The following CHM variants were observed in gnomAD, a reference collection of about 807,000 sequenced individuals.
CHM encodes CHM Rab escort protein, also known as rab proteins geranylgeranyltransferase component A 1.
Under a neutral mutation model 49.0 loss-of-function variants are expected in CHM, and 10 were observed. The observed-to-expected ratio is 0.20, with a 90% CI of 0.13 to 0.35. CHM has a LOEUF of 0.35. CHM is among the 10% of genes least tolerant of loss of function. The pLI is 1.00. For missense variants in CHM, 455 were observed against 478.4 expected (o/e 0.95, Z 0.46); for synonymous variants, 184 against 167.5 (o/e 1.10, Z -0.76).
Position 85,996,817 on chromosome X carries a change from G to T in CHM, c.117-15008C>A, listed in dbSNP as rs986223400. 6.0e-4 allele frequency among the ~76,000 whole-genome samples: 67 copies of T among 111,781 alleles called. 1 individual carries two copies. Among genetic ancestry groups the T allele is most frequent in the African/African-American group, 1.9e-3 (57 of 30,782 alleles). On this transcript the variant is annotated intron_variant, in intron 2 of 14. Coordinates refer to ENST00000357749, the MANE Select transcript of CHM (RefSeq NM_000390.4). ...TTATGTAAAAATGCAGATTCACTGA[G>T]CCAGATGAAGGTATGAGTGGCTATT...
At chrX:85,984,566 A>G (rs957500895) in intron 2 of CHM, among the ~76,000 whole-genome samples, 4 of 111,937 alleles carry the variant, frequency 3.6e-5, no homozygotes, top group Non-Finnish European at 5.6e-5. Flanking sequence ...AAATAAATAT[A>G]TACCCACCTT....
At chrX:85,880,523 T>G (rs1924699285) in intron 12 of CHM, among the ~76,000 whole-genome samples, 1 of 111,566 alleles carries the variant, frequency 9.0e-6, no homozygotes, top group African/African-American at 3.2e-5. Flanking sequence ...TGTTAATGTT[T>G]ATTTGGGAAA....
At chrX:85,890,013 C>CAGATGGG (rs1925341993) in intron 12 of CHM, among the ~76,000 whole-genome samples, 1 of 110,857 alleles carries the variant, frequency 9.0e-6, no homozygotes, top group Admixed American at 9.6e-5. Context: ...CAAGGAGATA[C>CAGATGGG]AGATGGGAAC....
Position 85,957,844 on chromosome X carries a change from G to GA in CHM, c.940+10dup, listed in dbSNP as rs1273727175. 3 of 1,197,867 alleles carry GA rather than the reference G, an allele frequency of 2.5e-6. No homozygotes were observed. The highest frequency in any genetic ancestry group is 2.3e-6 in the Non-Finnish European group (2 of 888,486). Reference sequence around the variant, plus strand: ...AAATAATTGGAGAGCACTACTTAATGAAAAAAATACCTTTATATTCATCAG... The same window carrying GA: ...AAATAATTGGAGAGCACTACTTAATGAAAAAAAATACCTTTATATTCATCAG... On this transcript the variant is annotated intron_variant, in intron 7 of 14. Transcript: ENST00000357749.
rs1261320444 is a variant in CHM at position 85,866,258 on chromosome X, T to C, written c.1771-1437A>G. Among the ~76,000 whole-genome samples, 4 of 112,343 alleles carry C rather than the reference T, an allele frequency of 3.6e-5. No individual in the cohort carries two copies. The East Asian group carries it at 8.4e-4, about 24-fold the overall frequency. On this transcript the variant is annotated intron_variant, in intron 14 of 14. Transcript: ENST00000357749. The stretch of plus-strand genomic sequence containing the variant: ...ATCCCAGCTGCTCCAGCTCCAGCCA[T>C]GGCTAAAAGGAATAAAGGTACAGCT...
At chrX:85,978,614 G>A (rs1261382030) in intron 4 of CHM, 153 bp downstream of exon 4, 1 of 454,979 alleles carries the variant, frequency 2.2e-6, no homozygotes, top group Admixed American at 3.5e-5. Context: ...CCTAAACAGA[G>A]ACAACTGAAA....
rs1928446719 is a variant in CHM, at chrX:85,931,682, A to AG, written c.1167-20345dup. Among the ~76,000 whole-genome samples, 3 of 111,284 alleles carry AG rather than the reference A, an allele frequency of 2.7e-5. No homozygotes were observed. The Admixed American group carries it at 2.9e-4, about 11-fold the overall frequency. ...CAGTATTGTACCCCAATCCCATAGG[A>AG]GAAAAAAATGGTGTCACAGTGGGAC... On this transcript the variant is annotated intron_variant, in intron 8 of 14. Transcript: ENST00000357749.
At chrX:86,031,559 C>G (rs975033277) in intron 1 of CHM, among the ~76,000 whole-genome samples, 88 of 112,127 alleles carry the variant, frequency 7.8e-4, no homozygotes, top group African/African-American at 2.7e-3. Flanking sequence ...AATTATTTAG[C>G]GCTGGGCACG....
intron 2 of CHM, among the ~76,000 whole-genome samples, chrX:86,015,702 A>G (rs1032295496): frequency 8.0e-5 from 9 of 112,544 alleles, no homozygotes; most frequent in Non-Finnish European, 1.7e-4. Flanking sequence ...AACTGGAACA[A>G]AAGTGACTCT....
At chrX:85,926,374 A>T (rs769621579) in intron 8 of CHM, among the ~76,000 whole-genome samples, 1 of 111,465 alleles carries the variant, frequency 9.0e-6, no homozygotes, top group African/African-American at 3.3e-5. Flanking sequence ...CCCCTTGTTC[A>T]TACCTTATTT....
At chrX:85,989,462 C>T (rs55769549) in intron 2 of CHM, among the ~76,000 whole-genome samples, 19,088 of 111,246 alleles carry the variant, frequency 0.17, 1,559 homozygotes, top group Non-Finnish European at 0.25. Flanking sequence ...AACAAAGATA[C>T]CAAAAGCAAT....
chrX:85,954,340 T>G (rs1431314212), intron 8 of CHM, among the ~76,000 whole-genome samples: 1 of 111,906 alleles, frequency 8.9e-6, no homozygotes, highest in Non-Finnish European at 1.9e-5. Context: ...TGTTAATTAG[T>G]ACAACCACTG....
intron 9 of CHM, among the ~76,000 whole-genome samples, chrX:85,904,958 T>C (rs1315693532): frequency 8.9e-6 from 1 of 112,219 alleles, no homozygotes; most frequent in African/African-American, 3.2e-5. Flanking sequence ...AATGACTTGA[T>C]ATACACTGTG....
chrX:85,963,753 T>G lies in CHM; in HGVS notation c.614A>C (p.Asp205Ala), dbSNP rs768528761. 8.3e-7 allele frequency: 1 copy of G among 1,210,697 alleles called. No individual in the cohort carries two copies. Among genetic ancestry groups the G allele is most frequent in the East Asian group, 3.0e-5 (1 of 33,856 alleles). The stretch of plus-strand genomic sequence containing the variant: ...GTTTTTCTTTGGTTGCTCTGTGGTA[T>G]CTTCTGCTATAGGCACATTTTCACT... ...DMSENVPIAE[D>A]TTEQPKKNRI... Residue 205 changes from aspartate (D) to alanine (A), a missense_variant, in exon 5 of 15, where the codon GAT (aspartate) becomes GCT (alanine). Physicochemically the swap from Asp to Ala is moderately radical, Grantham distance 126. Coordinates refer to ENST00000357749, the MANE Select transcript of CHM (RefSeq NM_000390.4).
At chrX:85,895,079 G>A (rs28694681) in intron 11 of CHM, among the ~76,000 whole-genome samples, 3,262 of 108,577 alleles carry the variant, frequency 0.03, 117 homozygotes, top group African/African-American at 0.1. Flanking sequence ...TTAATGATAC[G>A]CTAGATGGCT....
intron 12 of CHM, among the ~76,000 whole-genome samples, chrX:85,885,726 A>G (rs1925046488): frequency 9.0e-6 from 1 of 111,182 alleles, no homozygotes; most frequent in Non-Finnish European, 1.9e-5. Context: ...AGGAAGAACA[A>G]TAAGTTTATT....
chrX:85,878,611 C>T (rs1258521213), intron 13 of CHM, among the ~76,000 whole-genome samples: 4 of 111,459 alleles, frequency 3.6e-5, no homozygotes, highest in Admixed American at 1.9e-4. Flanking sequence ...GCTTTTTGTA[C>T]AACACTTGTA....
chrX:86,021,485 T>C (rs1213085261), intron 2 of CHM, among the ~76,000 whole-genome samples: 1 of 110,141 alleles, frequency 9.1e-6, no homozygotes. Flanking sequence ...ACACACCTAG[T>C]AAGTGGAGAA....
At chrX:86,038,398 TG>T (rs1313094801) in intron 1 of CHM, among the ~76,000 whole-genome samples, 1 of 111,670 alleles carries the variant, frequency 9.0e-6, no homozygotes, top group Non-Finnish European at 1.9e-5. Context: ...TCGAGTTGTC[TG>T]GCCTTTCCTG....
Sources: allele counts gnomAD v4.1 joint callset (sites outside exome capture counted in the v4.1 genomes callset), GRCh38; gene constraint gnomAD v4.1.1; transcripts MANE v1.5; gene names NCBI Gene and HGNC (gene_info 2026-07-23, HGNC 2026-07-21).